PTGFRN: variants seen among roughly 807,000 people sequenced by gnomAD.
The protein encoded by PTGFRN is prostaglandin F2 receptor negative regulator.
Under a neutral mutation model 83.2 loss-of-function variants are expected in PTGFRN, and 35 were observed. The ratio of observed to expected loss-of-function variants is 0.42; its 90% CI spans 0.32 to 0.56. The LOEUF is 0.56. Ranked by LOEUF, PTGFRN falls within the 20% of genes least tolerant of loss-of-function variation. The pLI, the probability that PTGFRN is intolerant of heterozygous loss-of-function variation, is 0.11. For synonymous variants in PTGFRN, 519 were observed against 498.6 expected, an observed-to-expected ratio of 1.04 and a Z score of -0.55; for missense variants, 1,051 against 1,179.5, an observed-to-expected ratio of 0.89 and a Z score of 1.60.
rs112158356 is a variant in PTGFRN at position 116,987,288 on chromosome 1, G to C, written c.*321G>C. The C allele has an allele frequency of 3.9e-6, 1 of 256,608 alleles. No homozygotes were observed. The highest frequency in any genetic ancestry group is 7.6e-6 in the Non-Finnish European group (1 of 131,848). The allele number at this position is 256,608 out of a possible 1,614,324, so 15.9% of individuals were successfully genotyped here. ...ATCCTCTGACTTGTGTGTGTTTATA[G>C]CTTTTGTTTCGCGGGGTTGTGGTGA... On this transcript the variant is annotated 3_prime_UTR_variant, in exon 9 of 9. Transcript: ENST00000393203.
rs528528670 is a variant in PTGFRN, at chr1:116,944,659, C to T, written c.419-20C>T. 8 of 1,404,102 alleles carry T rather than the reference C, an allele frequency of 5.7e-6. No homozygotes were observed. In the African/African-American group the frequency reaches 9.0e-5, roughly 16 times the overall value. The allele number at this position is 1,404,102 out of a possible 1,614,324, so 87.0% of individuals were successfully genotyped here. On this transcript the variant is annotated intron_variant, in intron 2 of 8. Coordinates refer to ENST00000393203, the MANE Select transcript of PTGFRN (RefSeq NM_020440.4). ...GGGTCGGTGTGGACGGGCTACTGAC[C>T]TAGCTTTCTCTCTCCGCAGTGCTGG...
intron 5 of PTGFRN, among the ~76,000 whole-genome samples, chr1:116,966,183 G>C (rs1650824969): frequency 6.6e-6 from 1 of 152,256 alleles, no homozygotes; most frequent in African/African-American, 2.4e-5. Context: ...GAATTCTAAT[G>C]TGTACATGCA....
intron 2 of PTGFRN, 34 bp from the exon 3 acceptor site, chr1:116,944,645 G>T: frequency 7.2e-7 from 1 of 1,386,894 alleles, no homozygotes; most frequent in Non-Finnish European, 9.4e-7. Context: ...GGTCGGTGTG[G>T]ACGGGCTACT....
chr1:116,923,887 A>G lies in PTGFRN; in HGVS notation c.49+13635A>G, dbSNP rs1649593262. Reference sequence around the variant, plus strand: ...TCTGGATCTGGGGGCACCTAAAAACATAGATCGACACAGTCCTTTGACTCC... The same window carrying G: ...TCTGGATCTGGGGGCACCTAAAAACGTAGATCGACACAGTCCTTTGACTCC... On this transcript the variant is annotated intron_variant, in intron 1 of 8. Coordinates refer to ENST00000393203, the MANE Select transcript of PTGFRN (RefSeq NM_020440.4). This position sits in a 1 kb window ranked among gnomAD's most constrained non-coding sequence, Gnocchi z 4.0. 1.3e-5 allele frequency among the ~76,000 whole-genome samples: 2 copies of G among 152,154 alleles called. No homozygotes were observed. Among genetic ancestry groups the G allele is most frequent in the African/African-American group, 4.8e-5 (2 of 41,422 alleles).
chr1:116,972,914 T>G (rs918629020), intron 6 of PTGFRN, among the ~76,000 whole-genome samples: 5 of 152,004 alleles, frequency 3.3e-5, no homozygotes, highest in Non-Finnish European at 7.4e-5. Context: ...TTGGGTAGGG[T>G]TTTTTTGTTT....
intron 1 of PTGFRN, among the ~76,000 whole-genome samples, chr1:116,937,973 G>T (rs1048163992): frequency 6.6e-6 from 1 of 152,084 alleles, no homozygotes; most frequent in South Asian, 2.1e-4. Flanking sequence ...GGCACAAGAG[G>T]GTTAAGCACA....
chr1:116,978,352 A>C (rs1433280747), intron 7 of PTGFRN, among the ~76,000 whole-genome samples: 3 of 152,176 alleles, frequency 2.0e-5, no homozygotes, highest in East Asian at 1.9e-4. Context: ...AAAAGAGGGA[A>C]TCCTCCCTAA....
Position 116,972,839 on chromosome 1 carries a change from A to C in PTGFRN, c.2060-1377A>C, listed in dbSNP as rs1651043412. On this transcript the variant is annotated intron_variant, in intron 6 of 8. Coordinates refer to ENST00000393203, the MANE Select transcript of PTGFRN (RefSeq NM_020440.4). ...ATGTTCTCACCTAAGAGGAATTCATAAGTGAGTTAAAAATAATAATTCTGC... is the reference window on the plus strand; with the variant it reads ...ATGTTCTCACCTAAGAGGAATTCATCAGTGAGTTAAAAATAATAATTCTGC... 1.3e-5 allele frequency among the ~76,000 whole-genome samples: 2 copies of C among 152,270 alleles called. 1 individual carries two copies. Among genetic ancestry groups the C allele is most frequent in the African/African-American group, 4.8e-5 (2 of 41,476 alleles).
Position 116,944,743 on chromosome 1 carries a change from G to A in PTGFRN, c.483G>A (p.Glu161=), listed in dbSNP as rs772434205. Reference sequence around the variant, plus strand: ...CCCCGCCGAGCCTGAGCCTGCGGGAGGGGGAGCCCTTCGAGCTGCGCTGCA... The same window carrying A: ...CCCCGCCGAGCCTGAGCCTGCGGGAAGGGGAGCCCTTCGAGCTGCGCTGCA... ...ARPPPSLSLR[E]GEPFELRCTA... Residue 161 remains glutamate (E), a synonymous_variant, in exon 3 of 9, where the codon GAG becomes GAA. Transcript: ENST00000393203. 6.7e-6 allele frequency: 10 copies of A among 1,487,160 alleles called. No individual in the cohort carries two copies. Among genetic ancestry groups the A allele is most frequent in the African/African-American group, 4.4e-5 (3 of 68,432 alleles). 92.1% of individuals were successfully genotyped at this position (1,487,160 alleles called of 1,614,324 possible).
In PTGFRN at chr1:116,984,726, C is replaced by A. The variant is rs1651412106; in HGVS notation, c.2214C>A (p.Gly738=). Residue 738 remains glycine, a synonymous_variant, in exon 8 of 9, where the codon GGC becomes GGA. Coordinates refer to ENST00000393203, the MANE Select transcript of PTGFRN (RefSeq NM_020440.4). ...DVSWFAVHSF[G]LDKAPVLLSS... ...CCTGGTTTGCGGTGCACTCTTTTGG[C>A]CTGGACAAGGCTCCTGTGCTCCTGT... 2 of 1,614,138 alleles carry A rather than the reference C, an allele frequency of 1.2e-6. No individual in the cohort carries two copies. Among genetic ancestry groups the A allele is most frequent in the Non-Finnish European group, 1.7e-6 (2 of 1,180,024 alleles).
chr1:116,928,472 T>C (rs2806866), intron 1 of PTGFRN, among the ~76,000 whole-genome samples: 16,447 of 152,272 alleles, frequency 0.11, 2,986 homozygotes, highest in African/African-American at 0.37. Context: ...GTTAACAACC[T>C]GGGACCCTCT....
chr1:116,914,912 A>C (rs983490859), intron 1 of PTGFRN, among the ~76,000 whole-genome samples: 1 of 152,154 alleles, frequency 6.6e-6, no homozygotes. Context: ...AATAATAGCT[A>C]CTATTTCTCG....
At chr1:116,959,198 G>A (rs1481316313) in intron 4 of PTGFRN, among the ~76,000 whole-genome samples, 1 of 152,200 alleles carries the variant, frequency 6.6e-6, no homozygotes, top group Non-Finnish European at 1.5e-5. Context: ...GTGGTGTGGT[G>A]TATTAGCACC....
chr1:116,974,010 A>C (rs1451371880), intron 6 of PTGFRN, among the ~76,000 whole-genome samples: 1 of 152,234 alleles, frequency 6.6e-6, no homozygotes, highest in Non-Finnish European at 1.5e-5. Context: ...TTTTGGTTGT[A>C]ATCTTAAGAT....
At chr1:116,966,312 A>G (rs564848781) in intron 5 of PTGFRN, among the ~76,000 whole-genome samples, 2 of 152,384 alleles carry the variant, frequency 1.3e-5, no homozygotes, top group East Asian at 3.9e-4. Flanking sequence ...GTGTAAAGCA[A>G]GTGGAAATTA....
At chr1:116,929,839 C>A (rs1649749232) in intron 1 of PTGFRN, among the ~76,000 whole-genome samples, 1 of 152,142 alleles carries the variant, frequency 6.6e-6, no homozygotes, top group African/African-American at 2.4e-5. Flanking sequence ...GCAGGATGAA[C>A]CCCCTGCTTG....
rs551408805 is a variant in PTGFRN, at chr1:116,979,624, G to A, written c.2168-5056G>A. Among the ~76,000 whole-genome samples the A allele has an allele frequency of 1.3e-3, 195 of 152,244 alleles. 1 individual carries two copies. The Middle Eastern group carries it at 0.02, about 16-fold the overall frequency. ...TGAGAAAAACAAGACATGGGGAAAG[G>A]ATTCCCTATTTAATAAATGGTGCTG... On this transcript the variant is annotated intron_variant, in intron 7 of 8. Transcript: ENST00000393203.
intron 5 of PTGFRN, among the ~76,000 whole-genome samples, chr1:116,964,077 G>GGTGAGCCAC: frequency 7.8e-6 from 1 of 128,724 alleles, no homozygotes; most frequent in African/African-American, 3.2e-5. Flanking sequence ...ACCGTGCCGG[G>GGTGAGCCAC]CGCCCCCCCT....
chr1:116,956,020 G>A (rs1650476707), intron 4 of PTGFRN, among the ~76,000 whole-genome samples: 1 of 152,194 alleles, frequency 6.6e-6, no homozygotes, highest in African/African-American at 2.4e-5. Context: ...TTGAAGAAGG[G>A]CACAATCTCT....
Sources: gnomAD v4.1 joint callset for allele counts (sites outside exome capture counted in the v4.1 genomes callset) on GRCh38, gnomAD v4.1.1 for gene constraint, Gnocchi (gnomAD v3.1) non-coding constraint, MANE v1.5 for transcripts, NCBI Gene and HGNC (gene_info 2026-07-23, HGNC 2026-07-21) for gene names.